Variants in WDR72 observed in about 807,000 individuals in gnomAD.
The protein encoded by WDR72 is WD repeat domain 72.
In WDR72, 120 loss-of-function variants were observed where a neutral mutation model predicts 124.2. That is an observed-to-expected ratio of 0.97 (90% CI 0.83 to 1.12). The LOEUF (loss-of-function observed/expected upper bound fraction) is 1.12, where lower values mean the gene tolerates loss of function less well. Among genes scored for constraint, WDR72 ranks in the 50% most tolerant of loss-of-function variants. The probability of loss-of-function intolerance (pLI) is 0.00; values close to 1 mark genes in which losing one functional copy is unlikely to be tolerated. For missense variants in WDR72, 1,387 were observed against 1,278.8 expected, an observed-to-expected ratio of 1.08 and a Z score of -1.29; for synonymous variants, 452 against 441.7, an observed-to-expected ratio of 1.02 and a Z score of -0.29.
At chr15:53,749,280 T>G (rs1156483930) in intron 1 of WDR72, among the ~76,000 whole-genome samples, 1 of 152,210 alleles carries the variant, frequency 6.6e-6, no homozygotes, top group Non-Finnish European at 1.5e-5. Flanking sequence ...CACATTTTGG[T>G]AATTCTCATA....
Position 53,613,735 on chromosome 15 carries a change from G to C in WDR72, c.2803C>G (p.His935Asp). 2 of 1,607,496 alleles carry C rather than the reference G, an allele frequency of 1.2e-6. No homozygotes were observed. Among genetic ancestry groups the C allele is most frequent in the Non-Finnish European group, 1.7e-6 (2 of 1,175,340 alleles). ...VGSSFRMESI[H>D]NKMRGAGNDI... ...TTCCCAGCACCTCTCATCTTATTAT[G>C]TATACTTTCCATTCTGAAAGAACTG... Residue 935 changes from histidine (H) to aspartate (D), a missense_variant, in exon 16 of 20, where the codon CAT (histidine) becomes GAT (aspartate). By Grantham distance (81) the His-to-Asp change is moderately conservative. Transcript: ENST00000360509.
chr15:53,581,834 G>T (rs1237264719), intron 18 of WDR72, among the ~76,000 whole-genome samples: 13 of 151,932 alleles, frequency 8.6e-5, no homozygotes, highest in Admixed American at 8.5e-4. Context: ...ATTCCATAAA[G>T]ATTTACTTGA....
At position 53,513,852 on chromosome 15, in the gene WDR72, GAA is replaced by G. The variant is rs1270347827; in HGVS notation, c.*3845_*3846del. The stretch of plus-strand genomic sequence containing the variant: ...TATCTGAGAAGGTCAAGATGAAGGT[GAA>G]AAGAGTAAAGGAGTTGTACTAGGAC... On this transcript the variant is annotated 3_prime_UTR_variant, in exon 20 of 20. Transcript: ENST00000360509. The G allele has an allele frequency of 6.6e-6, 1 of 152,170 alleles. No individual in the cohort carries two copies. The highest frequency in any genetic ancestry group is 1.5e-5 in the Non-Finnish European group (1 of 68,028). The allele number at this position is 152,170 out of a possible 1,614,324, so 9.4% of individuals were successfully genotyped here.
chr15:53,760,681 C>A (rs193216806), upstream of WDR72, among the ~76,000 whole-genome samples: 37 of 152,214 alleles, frequency 2.4e-4, no homozygotes, highest in African/African-American at 7.7e-4. Flanking sequence ...GATTTTCTTT[C>A]TTTTGGATGT....
At chr15:53,588,744 A>C (rs1431711005) in intron 18 of WDR72, among the ~76,000 whole-genome samples, 1 of 152,030 alleles carries the variant, frequency 6.6e-6, no homozygotes, top group Admixed American at 6.6e-5. Context: ...CCCTCTATTT[A>C]CCAAAATTGT....
intron 2 of WDR72, among the ~76,000 whole-genome samples, chr15:53,723,468 G>A (rs1176541756): frequency 6.6e-6 from 1 of 152,176 alleles, no homozygotes; most frequent in Non-Finnish European, 1.5e-5. Context: ...AATGAAACCA[G>A]TATCTCAGAG....
At chr15:53,658,201 A>G (rs192005611) in intron 14 of WDR72, among the ~76,000 whole-genome samples, 198 of 152,272 alleles carry the variant, frequency 1.3e-3, no homozygotes, top group African/African-American at 4.7e-3. Context: ...AGGTTTTTAT[A>G]CCTGGAAATT....
At chr15:53,586,928 GAAAC>G (rs2012242093) in intron 18 of WDR72, among the ~76,000 whole-genome samples, 1 of 152,000 alleles carries the variant, frequency 6.6e-6, no homozygotes, top group African/African-American at 2.4e-5. Flanking sequence ...GAGCGGGACA[GAAAC>G]AAAGTCCTTA....
chr15:53,724,714 G>A (rs180908561), intron 2 of WDR72, among the ~76,000 whole-genome samples: 18 of 152,260 alleles, frequency 1.2e-4, no homozygotes, highest in Admixed American at 2.6e-4. Flanking sequence ...AGATTTGCGT[G>A]GGGACACAGA....
chr15:53,737,548 C>G (rs935568679), intron 1 of WDR72, among the ~76,000 whole-genome samples: 3 of 151,910 alleles, frequency 2.0e-5, no homozygotes, highest in African/African-American at 7.3e-5. Flanking sequence ...AAAGCAAAAC[C>G]ACTGTTGGGG....
intron 18 of WDR72, among the ~76,000 whole-genome samples, chr15:53,559,165 T>C (rs968372035): frequency 4.3e-5 from 6 of 138,236 alleles, no homozygotes; most frequent in Non-Finnish European, 9.3e-5. Flanking sequence ...GGCATTTCTT[T>C]TTTTTTTCAT....
intron 18 of WDR72, among the ~76,000 whole-genome samples, chr15:53,535,906 A>G (rs1177242855): frequency 2.6e-5 from 4 of 152,110 alleles, no homozygotes; most frequent in African/African-American, 9.7e-5. Flanking sequence ...GTTCACACTA[A>G]TTTACTTCAC....
chr15:53,604,987 GAT>G (rs1370128808), intron 17 of WDR72, among the ~76,000 whole-genome samples: 1 of 152,128 alleles, frequency 6.6e-6, no homozygotes. Context: ...CCCATTAGTG[GAT>G]ATATACCCAA....
intron 18 of WDR72, among the ~76,000 whole-genome samples, chr15:53,562,243 T>A (rs1488189727): frequency 6.6e-6 from 1 of 151,798 alleles, no homozygotes; most frequent in African/African-American, 2.4e-5. Flanking sequence ...CATTCTTAAA[T>A]CCTTGTTACT....
chr15:53,665,423 C>A (rs988520342), intron 14 of WDR72, 149 bp downstream of exon 14: 57 of 861,876 alleles, frequency 6.6e-5, no homozygotes, highest in Non-Finnish European at 7.8e-5. Flanking sequence ...AAAAGTTATA[C>A]TGATTCACCC....
rs35150329 is a variant in WDR72 at position 53,704,816 on chromosome 15, T to TAAAA, written c.1348+168_1348+171dup. 1.3e-3 allele frequency among the ~76,000 whole-genome samples: 174 copies of TAAAA among 136,146 alleles called. 3 individuals are homozygous for TAAAA. The highest frequency in any genetic ancestry group is 3.0e-3 in the East Asian group (14 of 4,710). 89.3% of individuals were successfully genotyped at this position (136,146 alleles called of 152,430 possible). On this transcript the variant is annotated intron_variant, in intron 11 of 19. Transcript: ENST00000360509. Reference sequence around the variant, plus strand: ...CAAAGTGCTAGGATTACAGGGAGTTTAAAAAAAAAAAAAAAACCTATATGT... The same window carrying TAAAA: ...CAAAGTGCTAGGATTACAGGGAGTTTAAAAAAAAAAAAAAAAAAAACCTATATGT...
intron 14 of WDR72, among the ~76,000 whole-genome samples, chr15:53,643,743 T>G (rs1165402340): frequency 7.6e-6 from 1 of 131,398 alleles, no homozygotes; most frequent in Non-Finnish European, 1.5e-5. Context: ...TCTGTGTGTG[T>G]GCGTGTGTGT....
At chr15:53,547,106 C>T (rs1893508069) in intron 18 of WDR72, among the ~76,000 whole-genome samples, 1 of 152,214 alleles carries the variant, frequency 6.6e-6, no homozygotes, top group Non-Finnish European at 1.5e-5. Flanking sequence ...TCAGAAACAT[C>T]AGTGATTTCC....
intron 2 of WDR72, among the ~76,000 whole-genome samples, chr15:53,732,546 G>T (rs2018232443): frequency 6.6e-6 from 1 of 151,800 alleles, no homozygotes; most frequent in Admixed American, 6.5e-5. Flanking sequence ...TCACAGGCAG[G>T]CAGAGACTAA....
Sources: gnomAD v4.1 joint callset for allele counts (sites outside exome capture counted in the v4.1 genomes callset) on GRCh38, gnomAD v4.1.1 for gene constraint, MANE v1.5 for transcripts, NCBI Gene and HGNC (gene_info 2026-07-23, HGNC 2026-07-21) for gene names.